The following HMCN1 variants were observed in gnomAD, a reference collection of about 807,000 sequenced individuals.
The protein encoded by HMCN1 is hemicentin 1.
A neutral mutation model predicts 625.9 loss-of-function variants in HMCN1; 321 were observed. The ratio of observed to expected loss-of-function variants is 0.51; its 90% CI spans 0.47 to 0.56. HMCN1 has a LOEUF of 0.56. Among genes scored for constraint, HMCN1 ranks in the 20% least tolerant of loss-of-function variants. The probability of loss-of-function intolerance (pLI) is 0.00; values close to 1 mark genes in which losing one functional copy is unlikely to be tolerated. For missense variants in HMCN1, 6,588 were observed against 6,887.3 expected (o/e 0.96, Z 1.54); for synonymous variants, 2,425 against 2,417.6 (o/e 1.00, Z -0.09).
chr1:186,114,745 C>T, intron 73 of HMCN1, 74 bp from the exon 74 acceptor site: 2 of 1,546,496 alleles, frequency 1.3e-6, no homozygotes, highest in South Asian at 1.1e-5. Context: ...AAGTGTTTAA[C>T]ATTTCCCTCA....
intron 4 of HMCN1, among the ~76,000 whole-genome samples, chr1:185,898,574 A>G (rs1289711142): frequency 6.6e-6 from 1 of 152,130 alleles, no homozygotes; most frequent in Non-Finnish European, 1.5e-5. Context: ...CAGGGTCTCA[A>G]TGAACCCTGG....
intron 1 of HMCN1, among the ~76,000 whole-genome samples, chr1:185,818,355 A>AT (rs750384533): frequency 1.5e-4 from 23 of 151,158 alleles, no homozygotes; most frequent in African/African-American, 4.1e-4. Context: ...CTATCAATTT[A>AT]TTTTTTTTTC....
At position 186,182,190 on chromosome 1, in the gene HMCN1, A is replaced by G; in HGVS notation, c.16317A>G (p.Thr5439=). 1 of 1,613,352 alleles carries G rather than the reference A, an allele frequency of 6.2e-7. No homozygotes were observed. ...CAGATATTGATGAATGTGAAAATAC[A>G]GATGCCTGCCAGCATGAGTGTAAGA... The part of the protein sequence containing the change: ...TCVDIDECEN[T]DACQHECKNT... The change falls in exon 105 of 107, where the codon ACA becomes ACG. Residue 5439 remains threonine, a synonymous_variant. Coordinates refer to ENST00000271588, the MANE Select transcript of HMCN1 (RefSeq NM_031935.3).
intron 27 of HMCN1, 75 bp downstream of exon 27, chr1:186,001,503 T>G (rs1354826452): frequency 1.3e-6 from 2 of 1,596,196 alleles, no homozygotes; most frequent in Non-Finnish European, 1.7e-6. Flanking sequence ...GTTCATTTCT[T>G]ACTACTAATA....
At chr1:185,824,883 A>T (rs1660415215) in intron 1 of HMCN1, among the ~76,000 whole-genome samples, 1 of 152,134 alleles carries the variant, frequency 6.6e-6, no homozygotes, top group African/African-American at 2.4e-5. Flanking sequence ...ACACTAAAAT[A>T]GTATAGAAAT....
At chr1:185,850,812 C>T (rs901816230) in intron 2 of HMCN1, among the ~76,000 whole-genome samples, 8 of 151,410 alleles carry the variant, frequency 5.3e-5, no homozygotes, top group Non-Finnish European at 1.0e-4. Context: ...TTCATAGGAT[C>T]CAAAAGGATG....
At chr1:186,031,329 G>A (rs1168042888) in intron 36 of HMCN1, among the ~76,000 whole-genome samples, 1 of 152,148 alleles carries the variant, frequency 6.6e-6, no homozygotes, top group African/African-American at 2.4e-5. Flanking sequence ...AGCACTTTGA[G>A]TATGTCATCC....
intron 10 of HMCN1, among the ~76,000 whole-genome samples, chr1:185,932,644 T>C (rs1667607918): frequency 6.6e-6 from 1 of 152,044 alleles, no homozygotes; most frequent in Non-Finnish European, 1.5e-5. Context: ...CCTCATGTTT[T>C]CACTCATAAG....
chr1:185,804,371 A>C (rs1311728863), intron 1 of HMCN1, among the ~76,000 whole-genome samples: 1 of 152,086 alleles, frequency 6.6e-6, no homozygotes, highest in Non-Finnish European at 1.5e-5. Context: ...GGTCTGTTTG[A>C]CAGTCATCTG....
chr1:185,853,320 A>C lies in HMCN1; in HGVS notation c.339+7224A>C, dbSNP rs190203640. On this transcript the variant is annotated intron_variant, in intron 2 of 106. Transcript: ENST00000271588. ...AATAATAAAATCACTGGCTTTCCTC[A>C]GCAAATGTTCTTGGTACTAAGTATG... Among the ~76,000 whole-genome samples the C allele has an allele frequency of 5.3e-5, 8 of 152,314 alleles. No individual in the cohort carries two copies. The East Asian group carries it at 1.5e-3, about 29-fold the overall frequency.
intron 68 of HMCN1, among the ~76,000 whole-genome samples, chr1:186,097,973 G>A (rs1270852682): frequency 6.6e-6 from 1 of 152,096 alleles, no homozygotes; most frequent in Admixed American, 6.5e-5. Context: ...TTCAATAAAT[G>A]GTGCTGGGAA....
At chr1:186,007,864 G>T (rs1458602514) in intron 30 of HMCN1, among the ~76,000 whole-genome samples, 1 of 152,076 alleles carries the variant, frequency 6.6e-6, no homozygotes, top group Non-Finnish European at 1.5e-5. Flanking sequence ...GCCATAGGTA[G>T]GCACATGAAT....
intron 2 of HMCN1, among the ~76,000 whole-genome samples, chr1:185,855,704 G>A (rs1419739527): frequency 2.0e-5 from 3 of 152,126 alleles, no homozygotes; most frequent in Admixed American, 6.6e-5. Context: ...AAGGTCCAAC[G>A]AGTTGAAAGA....
In HMCN1 at chr1:186,171,461, G is replaced by A. The variant is rs1652226789; in HGVS notation, c.15688+11G>A. The A allele has an allele frequency of 6.3e-7, 1 of 1,580,958 alleles. No homozygotes were observed. The highest frequency in any genetic ancestry group is 1.1e-5 in the South Asian group (1 of 90,346). ...GCAGAAAATGCATGGGTAAGAAAAGGGCTTTGAATTTAAAGGAATGACACC... is the reference window on the plus strand; with the variant it reads ...GCAGAAAATGCATGGGTAAGAAAAGAGCTTTGAATTTAAAGGAATGACACC... On this transcript the variant is annotated intron_variant, in intron 101 of 106. Transcript: ENST00000271588.
At chr1:185,849,236 T>G (rs1473814206) in intron 2 of HMCN1, among the ~76,000 whole-genome samples, 1 of 152,194 alleles carries the variant, frequency 6.6e-6, no homozygotes, top group African/African-American at 2.4e-5. Context: ...TTTTTGCACA[T>G]GCTGTTCTCG....
chr1:186,167,627 G>T (rs1011172675), intron 100 of HMCN1, among the ~76,000 whole-genome samples: 1 of 152,146 alleles, frequency 6.6e-6, no homozygotes, highest in Non-Finnish European at 1.5e-5. Context: ...AACATTCTCT[G>T]TTCTTCACCG....
intron 55 of HMCN1, among the ~76,000 whole-genome samples, chr1:186,078,885 T>G (rs1435215389): frequency 2.0e-5 from 3 of 152,180 alleles, no homozygotes; most frequent in Non-Finnish European, 2.9e-5. Context: ...AGGGAAAAGA[T>G]AAGTGACATA....
intron 89 of HMCN1, among the ~76,000 whole-genome samples, chr1:186,143,163 A>G (rs1481977493): frequency 6.6e-6 from 1 of 152,206 alleles, no homozygotes; most frequent in Non-Finnish European, 1.5e-5. Context: ...TCAGTCAGAA[A>G]CCCATTAACT....
At chr1:185,968,745 G>C (rs1022625914) in intron 14 of HMCN1, among the ~76,000 whole-genome samples, 6 of 151,950 alleles carry the variant, frequency 3.9e-5, no homozygotes, top group Non-Finnish European at 8.8e-5. Flanking sequence ...TATATTGTCA[G>C]TAAAGTTTAT....
Sources: allele counts gnomAD v4.1 joint callset (sites outside exome capture counted in the v4.1 genomes callset), GRCh38; gene constraint gnomAD v4.1.1; transcripts MANE v1.5; gene names NCBI Gene and HGNC (gene_info 2026-07-23, HGNC 2026-07-21).